Variants in ELMO1 observed in about 807,000 individuals in gnomAD.
ELMO1 encodes engulfment and cell motility protein 1.
Under a neutral mutation model 98.9 loss-of-function variants are expected in ELMO1, and 26 were observed. The observed-to-expected ratio is 0.26, with a 90% CI of 0.19 to 0.36. ELMO1 has a LOEUF of 0.36. ELMO1 is among the 10% of genes least tolerant of loss of function. ELMO1 has a pLI of 1.00. For missense variants in ELMO1, 627 were observed against 935.2 expected, an observed-to-expected ratio of 0.67 and a Z score of 4.30; for synonymous variants, 346 against 346.0, an observed-to-expected ratio of 1.00 and a Z score of 0.00.
At chr7:37,396,825 C>T (rs1803320242) in intron 1 of ELMO1, among the ~76,000 whole-genome samples, 3 of 152,192 alleles carry the variant, frequency 2.0e-5, no homozygotes, top group African/African-American at 7.2e-5. Flanking sequence ...CTTTACACTG[C>T]ATCACAGGAG....
intron 1 of ELMO1, among the ~76,000 whole-genome samples, chr7:37,419,080 C>G (rs1040088766): frequency 6.6e-6 from 1 of 152,116 alleles, no homozygotes; most frequent in African/African-American, 2.4e-5. Flanking sequence ...GCAGGGAGAA[C>G]AGAAACAGCC....
In ELMO1 at chr7:37,271,523, C is replaced by T. The variant is rs149294005; in HGVS notation, c.243+309G>A. 838 of 270,480 alleles carry T rather than the reference C, an allele frequency of 3.1e-3. 11 individuals carry two copies. Among genetic ancestry groups the T allele is most frequent in the African/African-American group, 0.018 (795 of 44,856 alleles). 16.8% of individuals were successfully genotyped at this position (270,480 alleles called of 1,614,324 possible). ...CACACATAAAATACGCTAACGATAG[C>T]TGATGAACTAAATAAAATACAGAAC... On this transcript the variant is annotated intron_variant, in intron 5 of 21. Transcript: ENST00000310758.
intron 1 of ELMO1, among the ~76,000 whole-genome samples, chr7:37,364,952 A>G (rs191283172): frequency 2.2e-4 from 34 of 152,330 alleles, no homozygotes; most frequent in African/African-American, 7.5e-4. Context: ...GACAGTCGTG[A>G]ATGACTGTCA....
intron 13 of ELMO1, among the ~76,000 whole-genome samples, chr7:37,209,357 C>T (rs952789209): frequency 1.3e-5 from 2 of 152,142 alleles, no homozygotes; most frequent in Admixed American, 6.5e-5. Flanking sequence ...GATCCAACTG[C>T]CCCCGAGGAA....
rs543385131 is a variant in ELMO1, at chr7:37,131,088, A to T, written c.1191+2042T>A. ...CATATCATGGAGATATCTATTGTCA[A>T]AGTCACCCTAAAATTTCCTTGCAGA... On this transcript the variant is annotated intron_variant, in intron 14 of 21. Transcript: ENST00000310758. 9.3e-4 allele frequency among the ~76,000 whole-genome samples: 141 copies of T among 152,196 alleles called. 1 individual carries two copies. The highest frequency in any genetic ancestry group is 3.2e-3 in the African/African-American group (134 of 41,526).
At chr7:37,025,027 A>C (rs1024412476) in intron 15 of ELMO1, among the ~76,000 whole-genome samples, 1 of 152,230 alleles carries the variant, frequency 6.6e-6, no homozygotes, top group East Asian at 1.9e-4. Flanking sequence ...GAATTTGCTT[A>C]TAATTGAAAA....
At chr7:37,119,838 T>C (rs1463536075) in intron 14 of ELMO1, among the ~76,000 whole-genome samples, 1 of 152,220 alleles carries the variant, frequency 6.6e-6, no homozygotes, top group Non-Finnish European at 1.5e-5. Context: ...TTATCTTCTA[T>C]AACAGTCAGC....
chr7:37,303,778 A>G (rs996639575), intron 4 of ELMO1, among the ~76,000 whole-genome samples: 1 of 152,206 alleles, frequency 6.6e-6, no homozygotes, highest in African/African-American at 2.4e-5. Context: ...GAACTGGAGA[A>G]CATGGAATGA....
chr7:36,995,244 T>C (rs73117539), intron 16 of ELMO1, among the ~76,000 whole-genome samples: 12,436 of 152,240 alleles, frequency 0.082, 616 homozygotes, highest in Middle Eastern at 0.2. Flanking sequence ...GTGCCGTGGC[T>C]CACGCTTGCA....
intron 14 of ELMO1, among the ~76,000 whole-genome samples, chr7:37,120,680 G>A (rs1785951344): frequency 6.6e-6 from 1 of 152,238 alleles, no homozygotes; most frequent in Admixed American, 6.5e-5. Context: ...GCCTGCCTCT[G>A]TAGACTCCAC....
intron 2 of ELMO1, among the ~76,000 whole-genome samples, chr7:37,331,894 G>C (rs1239739951): frequency 8.9e-6 from 1 of 111,900 alleles, no homozygotes; most frequent in Non-Finnish European, 1.8e-5. Flanking sequence ...GTATGGGTTT[G>C]AGGTGGGAGG....
intron 13 of ELMO1, among the ~76,000 whole-genome samples, chr7:37,168,999 C>G (rs531708689): frequency 1.2e-3 from 177 of 152,300 alleles, no homozygotes; most frequent in Admixed American, 2.7e-3. Flanking sequence ...CCAACCAGTT[C>G]GAGCTTCCCG....
At chr7:37,345,953 C>A (rs1205083699) in intron 1 of ELMO1, among the ~76,000 whole-genome samples, 1 of 149,848 alleles carries the variant, frequency 6.7e-6, no homozygotes, top group Non-Finnish European at 1.5e-5. Context: ...CATGCCACTG[C>A]ACTCCAGCCT....
At chr7:37,416,704 A>G (rs1038209386) in intron 1 of ELMO1, among the ~76,000 whole-genome samples, 1 of 152,248 alleles carries the variant, frequency 6.6e-6, no homozygotes, top group Admixed American at 6.5e-5. Flanking sequence ...TTAGCTCTAG[A>G]TGGAAGCCCA....
chr7:37,049,946 T>A (rs1178352966), intron 15 of ELMO1, among the ~76,000 whole-genome samples: 6 of 151,216 alleles, frequency 4.0e-5, no homozygotes, highest in Non-Finnish European at 8.9e-5. Context: ...CCTGGCTAAT[T>A]TTTTTGTATT....
At chr7:37,261,760 C>T (rs1795989931) in intron 5 of ELMO1, among the ~76,000 whole-genome samples, 1 of 152,146 alleles carries the variant, frequency 6.6e-6, no homozygotes, top group Admixed American at 6.5e-5. Context: ...TTGCACCATG[C>T]CTGGCTAATT....
intron 2 of ELMO1, among the ~76,000 whole-genome samples, chr7:37,326,179 T>A (rs1394265920): frequency 6.6e-6 from 1 of 152,144 alleles, no homozygotes; most frequent in African/African-American, 2.4e-5. Context: ...GACCCAAGAT[T>A]CAAGCAATTA....
intron 14 of ELMO1, among the ~76,000 whole-genome samples, chr7:37,123,528 A>G (rs1168364860): frequency 6.6e-6 from 1 of 152,254 alleles, no homozygotes; most frequent in Non-Finnish European, 1.5e-5. Context: ...AATAAACTAG[A>G]AAATCTAGAA....
At chr7:37,391,671 A>T (rs555237667) in intron 1 of ELMO1, among the ~76,000 whole-genome samples, 2 of 152,202 alleles carry the variant, frequency 1.3e-5, no homozygotes, top group Non-Finnish European at 2.9e-5. Context: ...CAGAGACCCC[A>T]GTTGGGGGCC....
Sources: gnomAD v4.1 joint callset for allele counts (sites outside exome capture counted in the v4.1 genomes callset) on GRCh38, gnomAD v4.1.1 for gene constraint, MANE v1.5 for transcripts, NCBI Gene and HGNC (gene_info 2026-07-23, HGNC 2026-07-21) for gene names.